CADM2: variants seen among roughly 807,000 people sequenced by gnomAD.
The protein encoded by CADM2 is cell adhesion molecule 2, also known as immunoglobulin superfamily member 4D.
CADM2 carries 12 observed loss-of-function variants against 49.8 expected under a neutral mutation model. The ratio of observed to expected loss-of-function variants is 0.24; its 90% CI spans 0.15 to 0.39. The LOEUF is 0.39. Among genes scored for constraint, CADM2 ranks in the 10% least tolerant of loss-of-function variants. The pLI is 1.00. For missense variants in CADM2, 378 were observed against 492.3 expected (o/e 0.77, Z 2.20); for synonymous variants, 214 against 175.4 (o/e 1.22, Z -1.74).
At chr3:85,150,332 T>C (rs2039882579) in intron 1 of CADM2, among the ~76,000 whole-genome samples, 1 of 152,186 alleles carries the variant, frequency 6.6e-6, no homozygotes, top group Admixed American at 6.5e-5. Flanking sequence ...TTTCTGCTTC[T>C]GGCAGATGGT....
intron 1 of CADM2, among the ~76,000 whole-genome samples, chr3:85,160,704 A>G (rs984171472): frequency 1.3e-5 from 2 of 152,212 alleles, no homozygotes; most frequent in African/African-American, 4.8e-5. Flanking sequence ...TTAAGCTTGT[A>G]CAAATCTTAT....
chr3:85,604,919 C>T (rs969834936), intron 1 of CADM2, among the ~76,000 whole-genome samples: 1 of 151,866 alleles, frequency 6.6e-6, no homozygotes, highest in African/African-American at 2.4e-5. Flanking sequence ...GGAAGCTTGC[C>T]TTAAAATTTT....
chr3:85,486,447 GTTAA>G (rs1160460260), intron 1 of CADM2, among the ~76,000 whole-genome samples: 6 of 152,082 alleles, frequency 3.9e-5, no homozygotes, highest in African/African-American at 9.7e-5. Flanking sequence ...AGAAAAGATT[GTTAA>G]TTAATCCAGT....
intron 1 of CADM2, among the ~76,000 whole-genome samples, chr3:85,547,524 C>A (rs1301659497): frequency 6.6e-6 from 1 of 152,108 alleles, no homozygotes; most frequent in Non-Finnish European, 1.5e-5. Flanking sequence ...CAGTCAGAAA[C>A]CCTAGCTTCT....
intron 1 of CADM2, among the ~76,000 whole-genome samples, chr3:85,596,698 T>G (rs2063250799): frequency 6.6e-6 from 1 of 152,072 alleles, no homozygotes; most frequent in Non-Finnish European, 1.5e-5. Flanking sequence ...AAAAGTTCTA[T>G]TGGACAGTGC....
At chr3:85,707,271 A>G (rs951132612) in intron 1 of CADM2, among the ~76,000 whole-genome samples, 1 of 152,036 alleles carries the variant, frequency 6.6e-6, no homozygotes, top group Non-Finnish European at 1.5e-5. Context: ...CTCTGTAGTT[A>G]GGATGTAAAA....
At chr3:85,563,577 A>C in intron 1 of CADM2, among the ~76,000 whole-genome samples, 1 of 152,168 alleles carries the variant, frequency 6.6e-6, no homozygotes, top group African/African-American at 2.4e-5. Context: ...TCCTTTGAGA[A>C]CTGTGAACTA....
intron 1 of CADM2, among the ~76,000 whole-genome samples, chr3:85,370,784 A>C (rs1232114547): frequency 1.3e-5 from 2 of 152,116 alleles, no homozygotes; most frequent in Non-Finnish European, 2.9e-5. Flanking sequence ...GTTATCATAG[A>C]AGATAACAGC....
intron 1 of CADM2, among the ~76,000 whole-genome samples, chr3:85,623,037 A>C (rs183534581): frequency 6.6e-6 from 1 of 152,078 alleles, no homozygotes; most frequent in African/African-American, 2.4e-5. Flanking sequence ...AAGCTTTCTG[A>C]TAAGCTTAAG....
Position 86,025,350 on chromosome 3 carries a change from C to A in CADM2, c.971-40255C>A, listed in dbSNP as rs541070934. Among the ~76,000 whole-genome samples the A allele has an allele frequency of 1.5e-4, 23 of 152,202 alleles. No individual in the cohort carries two copies. The South Asian group carries it at 4.4e-3, about 29-fold the overall frequency. ...GGGATTACAGGCATGAGCAACTGTG[C>A]GCAGCCCATTATTTGGCAAAATAGT... On this transcript the variant is annotated intron_variant, in intron 8 of 9. Coordinates refer to ENST00000383699, the MANE Select transcript of CADM2 (RefSeq NM_001167675.2).
Position 85,802,124 on chromosome 3 carries a change from G to A in CADM2, c.166G>A (p.Asp56Asn). 16 of 1,613,334 alleles carry A rather than the reference G, an allele frequency of 9.9e-6. No homozygotes were observed. Among genetic ancestry groups the A allele is most frequent in the Non-Finnish European group, 1.4e-5 (16 of 1,179,598 alleles). The change falls in exon 3 of 10, where the codon GAT (aspartate) becomes AAT (asparagine). Residue 56 changes from aspartate to asparagine, a missense_variant. Transcript: ENST00000383699. ...GGTAILTCRVDQNDNTSLQWS... is the reference protein window; with the variant it reads ...GGTAILTCRVNQNDNTSLQWS... ...AACTGCAATTTTGACCTGCAGGGTT[G>A]ATCAAAATGATAACACCTCCCTCCA...
chr3:85,107,636 T>A (rs1294352922), intron 1 of CADM2, among the ~76,000 whole-genome samples: 1 of 148,100 alleles, frequency 6.8e-6, no homozygotes, highest in Non-Finnish European at 1.5e-5. Flanking sequence ...TTTCTTTTTC[T>A]TTCTTTCTTT....
At chr3:85,058,751 A>G (rs2036189438) in intron 1 of CADM2, among the ~76,000 whole-genome samples, 1 of 152,128 alleles carries the variant, frequency 6.6e-6, no homozygotes, top group Admixed American at 6.5e-5. Context: ...AGCTAAAATG[A>G]TTTTAAATGT....
chr3:85,922,991 T>G (rs948107688), intron 6 of CADM2, among the ~76,000 whole-genome samples: 1 of 151,858 alleles, frequency 6.6e-6, no homozygotes, highest in Non-Finnish European at 1.5e-5. Flanking sequence ...CCAGCTAATT[T>G]TTTGTATTTT....
chr3:85,183,431 A>G (rs1162329777), intron 1 of CADM2, among the ~76,000 whole-genome samples: 2 of 152,124 alleles, frequency 1.3e-5, no homozygotes, highest in Non-Finnish European at 2.9e-5. Flanking sequence ...TAAGGAATTC[A>G]CAAAGAAAAA....
intron 1 of CADM2, among the ~76,000 whole-genome samples, chr3:85,225,864 G>A (rs542469399): frequency 1.5e-4 from 23 of 152,194 alleles, no homozygotes; most frequent in Admixed American, 1.4e-3. Context: ...TTAATCATGT[G>A]GTTTTTGTCA....
chr3:85,962,071 GATTACAGGCA>G (rs1277070581), intron 8 of CADM2, among the ~76,000 whole-genome samples: 1 of 151,728 alleles, frequency 6.6e-6, no homozygotes, highest in Non-Finnish European at 1.5e-5. Context: ...GAGTAGCTGG[GATTACAGGCA>G]TGCACCACTA....
At chr3:86,024,005 G>A (rs951179608) in intron 8 of CADM2, among the ~76,000 whole-genome samples, 6 of 152,068 alleles carry the variant, frequency 3.9e-5, no homozygotes, top group South Asian at 2.1e-4. Context: ...CAAAATTTAC[G>A]TTGACTTTCC....
chr3:85,040,009 T>G (rs373071746), intron 1 of CADM2, among the ~76,000 whole-genome samples: 1 of 152,204 alleles, frequency 6.6e-6, no homozygotes, highest in African/African-American at 2.4e-5. Flanking sequence ...AGTTCTAACA[T>G]TCTCAGTTCA....
Sources: allele counts gnomAD v4.1 joint callset (sites outside exome capture counted in the v4.1 genomes callset), GRCh38; gene constraint gnomAD v4.1.1; transcripts MANE v1.5; gene names NCBI Gene and HGNC (gene_info 2026-07-23, HGNC 2026-07-21).